The following PPP6R3 variants were observed in gnomAD, a reference collection of about 807,000 sequenced individuals.
PPP6R3 encodes serine/threonine-protein phosphatase 6 regulatory subunit 3.
Under a neutral mutation model 110.7 loss-of-function variants are expected in PPP6R3, and 38 were observed. The ratio of observed to expected loss-of-function variants is 0.34; its 90% CI spans 0.26 to 0.45. PPP6R3 has a LOEUF of 0.45. Ranked by LOEUF, PPP6R3 falls within the 20% of genes least tolerant of loss-of-function variation. The pLI, the probability that PPP6R3 is intolerant of heterozygous loss-of-function variation, is 1.00. For synonymous variants in PPP6R3, 369 were observed against 373.5 expected, an observed-to-expected ratio of 0.99 and a Z score of 0.14; for missense variants, 870 against 1,062.4, an observed-to-expected ratio of 0.82 and a Z score of 2.52.
chr11:68,543,975 G>A (rs1052827737), intron 3 of PPP6R3, among the ~76,000 whole-genome samples: 1 of 152,210 alleles, frequency 6.6e-6, no homozygotes, highest in African/African-American at 2.4e-5. Context: ...TATAGAGCAG[G>A]TGTCATGTTC....
intron 14 of PPP6R3, among the ~76,000 whole-genome samples, chr11:68,579,643 GAC>G (rs751573657): frequency 7.9e-5 from 12 of 152,224 alleles, no homozygotes; most frequent in Non-Finnish European, 1.0e-4. Flanking sequence ...ATGAGTAAGA[GAC>G]ACGTGTGCAC....
At chr11:68,527,556 G>GACAAC (rs2099206056) in intron 2 of PPP6R3, among the ~76,000 whole-genome samples, 1 of 152,332 alleles carries the variant, frequency 6.6e-6, no homozygotes, top group South Asian at 2.1e-4. Context: ...GAACTCTGTT[G>GACAAC]AGAGTGTACT....
At chr11:68,602,086 T>C (rs1434646342) in intron 21 of PPP6R3, 117 bp downstream of exon 21, 1 of 708,730 alleles carries the variant, frequency 1.4e-6, no homozygotes, top group East Asian at 2.7e-5. Context: ...GGGTCTGATG[T>C]CCACAGGGCA....
At chr11:68,551,560 G>A (rs1351351328) in intron 6 of PPP6R3, among the ~76,000 whole-genome samples, 1 of 152,072 alleles carries the variant, frequency 6.6e-6, no homozygotes, top group Non-Finnish European at 1.5e-5. Context: ...CGCGATCTTA[G>A]CTCACTGCAA....
At position 68,514,542 on chromosome 11, in the gene PPP6R3, C is replaced by T. The variant is rs150328382; in HGVS notation, c.-157-4959C>T. Among the ~76,000 whole-genome samples, 46 of 152,256 alleles carry T rather than the reference C, an allele frequency of 3.0e-4. No individual in the cohort carries two copies. The East Asian group carries it at 8.7e-3, about 29-fold the overall frequency. On this transcript the variant is annotated intron_variant, in intron 1 of 23. Coordinates refer to ENST00000393800, the MANE Select transcript of PPP6R3 (RefSeq NM_001164161.2). ...TGCCTATTTTATTGTGTAAAGTGAC[C>T]TATGACGTATTCTCTCATTTTTTTT...
intron 2 of PPP6R3, 77 bp from the exon 3 acceptor site, chr11:68,537,582 C>A: frequency 1.0e-6 from 1 of 1,002,922 alleles, no homozygotes; most frequent in Non-Finnish European, 1.4e-6. Context: ...GATTGTAAAA[C>A]TGAACTGAAA....
intron 22 of PPP6R3, among the ~76,000 whole-genome samples, chr11:68,609,281 C>G (rs545207942): frequency 6.6e-6 from 1 of 152,336 alleles, no homozygotes; most frequent in South Asian, 2.1e-4. Context: ...TCTTCTCCCT[C>G]TGGCGTTTGT....
chr11:68,540,577 G>A (rs1483184411), intron 3 of PPP6R3, among the ~76,000 whole-genome samples: 4 of 152,224 alleles, frequency 2.6e-5, no homozygotes, highest in Admixed American at 6.5e-5. Flanking sequence ...AGATCAACCC[G>A]TCTGACCAAA....
rs1445545560 is a variant in PPP6R3 at position 68,614,667 on chromosome 11, G to T, written c.*1550G>T. The stretch of plus-strand genomic sequence containing the variant: ...ATTCCAGCACTCCCAGGACAGTGGA[G>T]TCAGCAGTAAGCCCTGGGACAGGTG... On this transcript the variant is annotated 3_prime_UTR_variant, in exon 24 of 24. Coordinates refer to ENST00000393800, the MANE Select transcript of PPP6R3 (RefSeq NM_001164161.2). 1.3e-6 allele frequency: 2 copies of T among 1,520,230 alleles called. No individual in the cohort carries two copies. Among genetic ancestry groups the T allele is most frequent in the Middle Eastern group, 1.7e-4 (1 of 5,766 alleles). 94.2% of individuals were successfully genotyped at this position (1,520,230 alleles called of 1,614,324 possible). A position where few individuals can be genotyped will look rare whatever the true frequency, so the allele number is the denominator to read the frequency against.
intron 1 of PPP6R3, among the ~76,000 whole-genome samples, chr11:68,486,043 T>G (rs1297864998): frequency 6.6e-6 from 1 of 151,714 alleles, no homozygotes; most frequent in East Asian, 1.9e-4. Context: ...CTACACCTAA[T>G]TTTTTGAGAC....
rs146691180 is a variant in PPP6R3, at chr11:68,600,391, G to A, written c.2089G>A (p.Ala697Thr). Residue 697 changes from alanine (A) to threonine (T), a missense_variant, in exon 20 of 24, where the codon GCT (alanine) becomes ACT (threonine). Ala to Thr is a moderately conservative substitution (Grantham distance 58). Coordinates refer to ENST00000393800, the MANE Select transcript of PPP6R3 (RefSeq NM_001164161.2). ...FDVPMETTHG[A>T]PLDSVGSDVW... ...TGTCCCAATGGAAACAACCCACGGT[G>A]CTCCATTGGATTCTGTGGGATCTGA... is the stretch of plus-strand genomic sequence containing the variant. 2 of 1,614,064 alleles carry A rather than the reference G, an allele frequency of 1.2e-6. No individual in the cohort carries two copies. Among genetic ancestry groups the A allele is most frequent in the Non-Finnish European group, 1.7e-6 (2 of 1,179,918 alleles).
rs188215114 is a variant in PPP6R3 at position 68,467,843 on chromosome 11, C to T, written c.-158+7016C>T. On this transcript the variant is annotated intron_variant, in intron 1 of 23. Transcript: ENST00000393800. Reference sequence around the variant, plus strand: ...AGGCTGGAGTGTAGTGGCGCGATCTCGGCTCACTGCAACCTCCGCCTTACA... The same window carrying T: ...AGGCTGGAGTGTAGTGGCGCGATCTTGGCTCACTGCAACCTCCGCCTTACA... 1.2e-3 allele frequency among the ~76,000 whole-genome samples: 182 copies of T among 152,302 alleles called. 1 individual carries two copies. Among genetic ancestry groups the T allele is most frequent in the African/African-American group, 4.2e-3 (175 of 41,568 alleles).
At chr11:68,557,569 AGTG>A (rs1412446432) in intron 7 of PPP6R3, among the ~76,000 whole-genome samples, 1 of 151,318 alleles carries the variant, frequency 6.6e-6, no homozygotes, top group East Asian at 1.9e-4. Flanking sequence ...CCCAGGCTGG[AGTG>A]CAGTGGCGCG....
Position 68,584,001 on chromosome 11 carries a change from T to TA in PPP6R3, c.1632+873dup, listed in dbSNP as rs1160051722. Among the ~76,000 whole-genome samples, 18 of 152,222 alleles carry TA rather than the reference T, an allele frequency of 1.2e-4. No individual in the cohort carries two copies. The South Asian group carries it at 3.1e-3, about 26-fold the overall frequency. ...GCCCTGTCTTTTGGCTTGTAAGTCT[T>TA]ACACCTGTCATATTCCAGTATTGGT... On this transcript the variant is annotated intron_variant, in intron 15 of 23. Transcript: ENST00000393800.
chr11:68,542,099 C>G (rs985818995), intron 3 of PPP6R3, among the ~76,000 whole-genome samples: 2 of 148,476 alleles, frequency 1.3e-5, no homozygotes, highest in African/African-American at 5.0e-5. Context: ...AGAGGAAACA[C>G]AGCCAGTGTG....
chr11:68,518,821 C>T (rs576499842), intron 1 of PPP6R3, among the ~76,000 whole-genome samples: 1 of 152,052 alleles, frequency 6.6e-6, no homozygotes, highest in East Asian at 1.9e-4. Context: ...TTTGGAAATG[C>T]CTTGTAGATT....
At chr11:68,605,629 G>A (rs1205494263) in intron 22 of PPP6R3, among the ~76,000 whole-genome samples, 1 of 152,056 alleles carries the variant, frequency 6.6e-6, no homozygotes, top group Admixed American at 6.5e-5. Context: ...GGAAAATCTT[G>A]GTAAGTTTGA....
chr11:68,585,726 T>C (rs1398936879), intron 15 of PPP6R3, among the ~76,000 whole-genome samples: 1 of 152,202 alleles, frequency 6.6e-6, no homozygotes, highest in East Asian at 1.9e-4. Context: ...TCATTTTCCT[T>C]TTTTCTGTGC....
At chr11:68,485,914 A>C (rs143006339) in intron 1 of PPP6R3, among the ~76,000 whole-genome samples, 10 of 152,142 alleles carry the variant, frequency 6.6e-5, no homozygotes, top group African/African-American at 2.4e-4. Flanking sequence ...TCACACCTGT[A>C]ATCTCAACAC....
Sources: gnomAD v4.1 joint callset for allele counts (sites outside exome capture counted in the v4.1 genomes callset) on GRCh38, gnomAD v4.1.1 for gene constraint, MANE v1.5 for transcripts, NCBI Gene and HGNC (gene_info 2026-07-23, HGNC 2026-07-21) for gene names.